ADGRL3: variants seen among roughly 807,000 people sequenced by gnomAD.
ADGRL3 encodes adhesion G protein-coupled receptor L3, also known as calcium-independent alpha-latrotoxin receptor 3.
In ADGRL3, 62 loss-of-function variants were observed where a neutral mutation model predicts 153.5. The ratio of observed to expected loss-of-function variants is 0.40; its 90% confidence interval spans 0.33 to 0.50. The LOEUF (loss-of-function observed/expected upper bound fraction) is 0.50, where lower values mean the gene tolerates loss of function less well. Ranked by LOEUF, ADGRL3 falls within the 20% of genes least tolerant of loss-of-function variation. The probability of loss-of-function intolerance (pLI) is 0.47; values close to 1 mark genes in which losing one functional copy is unlikely to be tolerated. For synonymous variants in ADGRL3, 710 were observed against 672.5 expected, an observed-to-expected ratio of 1.06 and a Z score of -0.86; for missense variants, 1,641 against 1,859.4, an observed-to-expected ratio of 0.88 and a Z score of 2.16.
At chr4:61,346,845 G>A (rs1394618734) in intron 1 of ADGRL3, among the ~76,000 whole-genome samples, 6 of 149,980 alleles carry the variant, frequency 4.0e-5, no homozygotes, top group Admixed American at 1.3e-4. Context: ...ATATTATCCT[G>A]AATAAGGCAG....
intron 17 of ADGRL3, among the ~76,000 whole-genome samples, chr4:61,949,050 A>G (rs1375099445): frequency 6.6e-6 from 1 of 151,636 alleles, no homozygotes; most frequent in Non-Finnish European, 1.5e-5. Context: ...AGGTCAGTGC[A>G]TCAGTAGTAG....
chr4:61,241,128 A>G (rs1346354940), intron 1 of ADGRL3, among the ~76,000 whole-genome samples: 1 of 152,074 alleles, frequency 6.6e-6, no homozygotes, highest in Non-Finnish European at 1.5e-5. Flanking sequence ...TAGCGAAGGT[A>G]TAAATCTTTT....
At position 61,387,598 on chromosome 4, in the gene ADGRL3, C is replaced by T. The variant is rs145635377; in HGVS notation, c.-174+4409C>T. ...AGAAAAAGAATTCAGCGATATTTCT[C>T]CCATTTGCTTTTGAAAGAGAAATAC... On this transcript the variant is annotated intron_variant, in intron 2 of 26. Transcript: ENST00000683033. Among the ~76,000 whole-genome samples the T allele has an allele frequency of 1.5e-4, 23 of 152,184 alleles. No homozygotes were observed. The East Asian group carries it at 4.5e-3, about 30-fold the overall frequency.
intron 8 of ADGRL3, among the ~76,000 whole-genome samples, chr4:61,781,331 C>CAAAAAA (rs71281828): frequency 7.8e-5 from 5 of 64,428 alleles, no homozygotes; most frequent in African/African-American, 2.0e-4. Flanking sequence ...ATTCTGCCTC[C>CAAAAAA]AAAAAAAAAA....
Position 61,756,458 on chromosome 4 carries a change from C to A in ADGRL3, c.1399+22904C>A, listed in dbSNP as rs535258518. On this transcript the variant is annotated intron_variant, in intron 8 of 26. Coordinates refer to ENST00000683033, the MANE Select transcript of ADGRL3 (RefSeq NM_001387552.1). Reference sequence around the variant, plus strand: ...TGTATAAGAATGCTTGTGATTTTTGCACATTGATTTTGTATCCTGAGACTT... The same window carrying A: ...TGTATAAGAATGCTTGTGATTTTTGAACATTGATTTTGTATCCTGAGACTT... Among the ~76,000 whole-genome samples, 1,419 of 152,106 alleles carry A rather than the reference C, an allele frequency of 9.3e-3. 28 individuals are homozygous for A. Among genetic ancestry groups the A allele is most frequent in the African/African-American group, 0.032 (1,344 of 41,478 alleles).
intron 1 of ADGRL3, among the ~76,000 whole-genome samples, chr4:61,243,023 G>A (rs890216894): frequency 2.0e-5 from 3 of 152,148 alleles, no homozygotes; most frequent in South Asian, 2.1e-4. Context: ...AAACAGCCAT[G>A]GGGACATGAG....
chr4:61,520,682 G>GTGTGTGTGTGTGTCTGTCTGTC, intron 4 of ADGRL3, among the ~76,000 whole-genome samples: 1 of 123,580 alleles, frequency 8.1e-6, no homozygotes, highest in East Asian at 2.6e-4. Context: ...GTGTGTGTGT[G>GTGTGTGTGTGTGTCTGTCTGTC]TGTCTGTCTG....
At chr4:62,000,774 T>C (rs1420561785) in intron 21 of ADGRL3, among the ~76,000 whole-genome samples, 1 of 151,994 alleles carries the variant, frequency 6.6e-6, no homozygotes. Context: ...TTTGTTTTAA[T>C]TTTTATTTAT....
In ADGRL3 at chr4:62,000,970, G is replaced by T. The variant is rs542989876; in HGVS notation, c.3395+2705G>T. Among the ~76,000 whole-genome samples the T allele has an allele frequency of 2.0e-5, 3 of 152,012 alleles. No homozygotes were observed. The South Asian group carries it at 6.2e-4, about 32-fold the overall frequency. On this transcript the variant is annotated intron_variant, in intron 21 of 26. Transcript: ENST00000683033. ...CTAATTTTTTTGTGTTTTTTATAGA[G>T]ATGGGCTTTCACTATGTTACCCAGG... is the stretch of plus-strand genomic sequence containing the variant.
chr4:61,321,453 A>C (rs2095353805), intron 1 of ADGRL3, among the ~76,000 whole-genome samples: 4 of 152,072 alleles, frequency 2.6e-5, no homozygotes. Flanking sequence ...TGTATCAGGA[A>C]ATCATTAACT....
intron 3 of ADGRL3, among the ~76,000 whole-genome samples, chr4:61,506,468 T>G (rs955598108): frequency 2.0e-5 from 3 of 152,126 alleles, no homozygotes; most frequent in African/African-American, 7.2e-5. Flanking sequence ...ATCATTATAT[T>G]TAGGACTCGC....
intron 23 of ADGRL3, among the ~76,000 whole-genome samples, chr4:62,033,202 G>A (rs1207230210): frequency 1.3e-5 from 2 of 151,586 alleles, no homozygotes; most frequent in African/African-American, 2.4e-5. Context: ...AGGAAGTCTG[G>A]GAGAGAGAGA....
chr4:61,376,689 T>G (rs922213746), intron 1 of ADGRL3, among the ~76,000 whole-genome samples: 4 of 152,176 alleles, frequency 2.6e-5, no homozygotes, highest in Admixed American at 1.3e-4. Flanking sequence ...CTTTTCTCCC[T>G]TCATAAGAAG....
chr4:61,492,091 G>C (rs1049274349), intron 2 of ADGRL3, among the ~76,000 whole-genome samples: 1 of 152,036 alleles, frequency 6.6e-6, no homozygotes, highest in Non-Finnish European at 1.5e-5. Flanking sequence ...TTAGCAATTA[G>C]GCTATAGGTC....
intron 5 of ADGRL3, among the ~76,000 whole-genome samples, chr4:61,667,581 T>C (rs893011459): frequency 6.6e-6 from 1 of 152,218 alleles, no homozygotes; most frequent in Non-Finnish European, 1.5e-5. Flanking sequence ...TAATGTTTGA[T>C]ATTTCACATT....
At chr4:61,764,998 A>C (rs961102376) in intron 8 of ADGRL3, among the ~76,000 whole-genome samples, 8 of 152,168 alleles carry the variant, frequency 5.3e-5, no homozygotes, top group Non-Finnish European at 1.2e-4. Flanking sequence ...GAAGGAGAAA[A>C]ACAGGTATAA....
chr4:61,590,886 T>A (rs2098966395), intron 5 of ADGRL3, among the ~76,000 whole-genome samples: 1 of 152,168 alleles, frequency 6.6e-6, no homozygotes, highest in Non-Finnish European at 1.5e-5. Flanking sequence ...TTTTTTCTAG[T>A]AATCTTTTGC....
intron 21 of ADGRL3, among the ~76,000 whole-genome samples, chr4:62,024,771 A>T (rs765086753): frequency 6.6e-6 from 1 of 151,988 alleles, no homozygotes; most frequent in Non-Finnish European, 1.5e-5. Flanking sequence ...TCTACTAAAA[A>T]TACAGAAAAT....
chr4:61,759,248 A>G lies in ADGRL3; in HGVS notation c.1399+25694A>G, dbSNP rs561229575. Among the ~76,000 whole-genome samples the G allele has an allele frequency of 1.8e-4, 28 of 152,178 alleles. No homozygotes were observed. In the South Asian group the frequency reaches 3.1e-3, roughly 17 times the overall value. On this transcript the variant is annotated intron_variant, in intron 8 of 26. Transcript: ENST00000683033. ...TGCTAGGTTGGGGAAGTTCTCCTGG[A>G]TAATATCCTGCAGAGTGTTTTCCAA...
Sources: allele counts gnomAD v4.1 joint callset (sites outside exome capture counted in the v4.1 genomes callset), GRCh38; gene constraint gnomAD v4.1.1; transcripts MANE v1.5; gene names NCBI Gene and HGNC (gene_info 2026-07-23, HGNC 2026-07-21).